Variants in ITSN1 observed in about 807,000 individuals in gnomAD.
The protein encoded by ITSN1 is intersectin-1.
ITSN1 carries 58 observed loss-of-function variants against 239.8 expected under a neutral mutation model. That is an observed-to-expected ratio of 0.24 (90% CI 0.20 to 0.30). ITSN1 has a LOEUF of 0.30. Ranked by LOEUF, ITSN1 falls within the 10% of genes least tolerant of loss-of-function variation. ITSN1 has a pLI of 1.00. For synonymous variants in ITSN1, 780 were observed against 770.8 expected (o/e 1.01, Z -0.20); for missense variants, 1,558 against 2,103.3 (o/e 0.74, Z 5.07).
At chr21:33,714,167 A>G (rs1480915372) in intron 1 of ITSN1, among the ~76,000 whole-genome samples, 1 of 152,220 alleles carries the variant, frequency 6.6e-6, no homozygotes, top group African/African-American at 2.4e-5. Flanking sequence ...CTATTGTGTT[A>G]GTGAATAAAC....
At chr21:33,645,939 G>C (rs1030147779) in intron 1 of ITSN1, among the ~76,000 whole-genome samples, 3 of 152,144 alleles carry the variant, frequency 2.0e-5, no homozygotes, top group Non-Finnish European at 4.4e-5. Flanking sequence ...TTTACCTGTC[G>C]TACACCTTTC....
intron 16 of ITSN1, among the ~76,000 whole-genome samples, chr21:33,782,568 A>T (rs1295490769): frequency 6.6e-6 from 1 of 152,130 alleles, no homozygotes; most frequent in Non-Finnish European, 1.5e-5. Flanking sequence ...TTAGTGGAGT[A>T]ATTGCTTTTG....
At chr21:33,749,592 A>T (rs1336337806) in intron 5 of ITSN1, among the ~76,000 whole-genome samples, 1 of 151,990 alleles carries the variant, frequency 6.6e-6, no homozygotes, top group Non-Finnish European at 1.5e-5. Context: ...CAGTGAGCCA[A>T]GATCACGCCA....
At chr21:33,764,616 G>A (rs1157267773) in intron 9 of ITSN1, among the ~76,000 whole-genome samples, 5 of 152,104 alleles carry the variant, frequency 3.3e-5, no homozygotes, top group Non-Finnish European at 7.4e-5. Context: ...AAAACTCTCA[G>A]ACCTATACTC....
intron 1 of ITSN1, among the ~76,000 whole-genome samples, chr21:33,714,964 A>G (rs893084706): frequency 6.6e-6 from 1 of 152,170 alleles, no homozygotes; most frequent in Non-Finnish European, 1.5e-5. Flanking sequence ...GAATGTAAGT[A>G]AAGGAGAAAT....
At chr21:33,680,580 C>A (rs1252756227) in intron 1 of ITSN1, among the ~76,000 whole-genome samples, 1 of 152,186 alleles carries the variant, frequency 6.6e-6, no homozygotes, top group Non-Finnish European at 1.5e-5. Context: ...ATCCACCCAC[C>A]TCAGCCTCCC....
At chr21:33,668,541 G>A (rs1351120297) in intron 1 of ITSN1, among the ~76,000 whole-genome samples, 1 of 152,172 alleles carries the variant, frequency 6.6e-6, no homozygotes, top group Admixed American at 6.5e-5. Context: ...TAGGGTCCAC[G>A]ACCTTTGCTG....
intron 1 of ITSN1, among the ~76,000 whole-genome samples, chr21:33,690,918 G>A (rs552167618): frequency 1.0e-3 from 149 of 146,086 alleles, no homozygotes; most frequent in Middle Eastern, 3.6e-3. Context: ...ATGGGCCATG[G>A]GCAAGTCCTG....
At chr21:33,754,995 G>T (rs889180929) in intron 7 of ITSN1, among the ~76,000 whole-genome samples, 13 of 152,096 alleles carry the variant, frequency 8.5e-5, no homozygotes, top group African/African-American at 3.1e-4. Context: ...GTTACAAGAG[G>T]TTTTTCATAC....
At chr21:33,733,417 A>G (rs1469794088) in intron 4 of ITSN1, among the ~76,000 whole-genome samples, 3 of 152,222 alleles carry the variant, frequency 2.0e-5, no homozygotes, top group African/African-American at 7.2e-5. Context: ...TTGAAATGAA[A>G]TAAAATAATA....
chr21:33,857,831 A>G (rs2409501), intron 30 of ITSN1, among the ~76,000 whole-genome samples: 39,690 of 151,978 alleles, frequency 0.26, 5,556 homozygotes, highest in South Asian at 0.43. Context: ...ACGCACCACC[A>G]TATGTGGTTG....
rs1260091624 is a variant in ITSN1 at position 33,680,578 on chromosome 21, A to C, written c.-33+37865A>C. ...ACTCCTGACCTCAAGTGATCCACCC[A>C]CCTCAGCCTCCCAAAGTGCTGGGAT... On this transcript the variant is annotated intron_variant, in intron 1 of 39. Transcript: ENST00000381318. 2.0e-5 allele frequency among the ~76,000 whole-genome samples: 3 copies of C among 151,718 alleles called. No homozygotes were observed. In the East Asian group the frequency reaches 5.8e-4, roughly 29 times the overall value.
At chr21:33,775,130 A>G in intron 14 of ITSN1, 22 bp downstream of exon 14, 1 of 1,598,850 alleles carries the variant, frequency 6.3e-7, no homozygotes, top group Non-Finnish European at 8.5e-7. Context: ...TGCCTCTTAA[A>G]AGCTATTATA....
chr21:33,785,881 T>G (rs1418964149), intron 16 of ITSN1, among the ~76,000 whole-genome samples: 2 of 152,220 alleles, frequency 1.3e-5, no homozygotes, highest in Admixed American at 6.5e-5. Flanking sequence ...AAAAAGATCC[T>G]AAGATGTAAA....
chr21:33,888,597 T>C lies in ITSN1; in HGVS notation c.*297T>C, dbSNP rs111438336. On this transcript the variant is annotated 3_prime_UTR_variant, in exon 40 of 40. Coordinates refer to ENST00000381318, the MANE Select transcript of ITSN1 (RefSeq NM_003024.3). ...CCTCAACAGGGTGCAGCTGGGAGTC[T>C]AGCCCCTTCCCGGGCTTGAGGGATG... is the stretch of plus-strand genomic sequence containing the variant. 826 of 261,768 alleles carry C rather than the reference T, an allele frequency of 3.2e-3. 9 individuals are homozygous for C. Among genetic ancestry groups the C allele is most frequent in the African/African-American group, 0.016 (714 of 45,468 alleles). 16.2% of individuals were successfully genotyped at this position (261,768 alleles called of 1,614,324 possible).
At chr21:33,658,383 G>T (rs1474072610) in intron 1 of ITSN1, among the ~76,000 whole-genome samples, 1 of 152,122 alleles carries the variant, frequency 6.6e-6, no homozygotes, top group African/African-American at 2.4e-5. Flanking sequence ...AACCGAGGTG[G>T]TATAGCCTAC....
chr21:33,648,245 A>G (rs1408514927), intron 1 of ITSN1, among the ~76,000 whole-genome samples: 1 of 152,194 alleles, frequency 6.6e-6, no homozygotes, highest in Non-Finnish European at 1.5e-5. Context: ...AATGTCGATT[A>G]AGTTCTTTTG....
intron 1 of ITSN1, among the ~76,000 whole-genome samples, chr21:33,718,301 A>G (rs182206787): frequency 2.6e-5 from 4 of 152,338 alleles, no homozygotes; most frequent in Admixed American, 6.5e-5. Context: ...GATGGTTAAG[A>G]AAAAGGTACA....
chr21:33,881,822 G>C (rs1170933935), intron 34 of ITSN1, among the ~76,000 whole-genome samples: 1 of 151,458 alleles, frequency 6.6e-6, no homozygotes, highest in Non-Finnish European at 1.5e-5. Flanking sequence ...CTCTACAAAA[G>C]TTTTTTTCAC....
Sources: allele counts gnomAD v4.1 joint callset (sites outside exome capture counted in the v4.1 genomes callset), GRCh38; gene constraint gnomAD v4.1.1; transcripts MANE v1.5; gene names NCBI Gene and HGNC (gene_info 2026-07-23, HGNC 2026-07-21).